The following AK5 variants were observed in gnomAD, a reference collection of about 807,000 sequenced individuals.
The protein encoded by AK5 is adenylate kinase 5, also known as adenylate kinase isoenzyme 5.
A neutral mutation model predicts 69.5 loss-of-function variants in AK5; 27 were observed. The observed-to-expected ratio is 0.39, with a 90% CI of 0.29 to 0.54. The LOEUF is 0.54. Ranked by LOEUF, AK5 falls within the 20% of genes least tolerant of loss-of-function variation. AK5 has a pLI of 0.71. For missense variants in AK5, 531 were observed against 700.4 expected, an observed-to-expected ratio of 0.76 and a Z score of 2.73; for synonymous variants, 260 against 244.4, an observed-to-expected ratio of 1.06 and a Z score of -0.60.
intron 13 of AK5, among the ~76,000 whole-genome samples, chr1:77,548,381 A>AT (rs1203737215): frequency 6.6e-6 from 1 of 152,082 alleles, no homozygotes; most frequent in Non-Finnish European, 1.5e-5. Context: ...GCATTTGATG[A>AT]TTTTCCCCAG....
chr1:77,531,988 ATCCGGCCGGCCGGCCGGCCGC>A (rs1553161447), intron 12 of AK5: 1 of 81,306 alleles, frequency 1.2e-5, no homozygotes, highest in Non-Finnish European at 3.5e-5. Flanking sequence ...GCCTGCGGCC[ATCCGGCCGGCCGGCCGGCCGC>A]TCCGAGTGCG....
chr1:77,286,209 T>C (rs909798981), intron 1 of AK5, among the ~76,000 whole-genome samples: 1 of 151,928 alleles, frequency 6.6e-6, no homozygotes, highest in African/African-American at 2.4e-5. Flanking sequence ...TAAAAAACTC[T>C]ATGAGGTATT....
chr1:77,548,392 ATCATGCCCAGGT>A (rs1266188116), intron 13 of AK5, among the ~76,000 whole-genome samples: 2 of 152,110 alleles, frequency 1.3e-5, no homozygotes, highest in Admixed American at 6.5e-5. Context: ...TTTTCCCCAG[ATCATGCCCAGGT>A]TCTGCACACT....
chr1:77,551,052 C>T (rs1157653490), intron 13 of AK5, among the ~76,000 whole-genome samples: 2 of 152,182 alleles, frequency 1.3e-5, no homozygotes, highest in African/African-American at 2.4e-5. Flanking sequence ...TGGCACATGC[C>T]TGTAATTCCA....
At chr1:77,341,569 A>G (rs1380327289) in intron 6 of AK5, among the ~76,000 whole-genome samples, 2 of 152,256 alleles carry the variant, frequency 1.3e-5, no homozygotes, top group East Asian at 3.8e-4. Flanking sequence ...AAGCCCATCC[A>G]GAGAGCTCCT....
chr1:77,536,111 G>T (rs1658952676), intron 13 of AK5, 73 bp downstream of exon 13: 2 of 1,462,768 alleles, frequency 1.4e-6, no homozygotes, highest in Non-Finnish European at 1.8e-6. Context: ...AAGAGAAAAA[G>T]CTGAGAACAT....
chr1:77,557,942 G>A (rs1660207546), intron 13 of AK5, among the ~76,000 whole-genome samples: 1 of 132,818 alleles, frequency 7.5e-6, no homozygotes, highest in African/African-American at 2.9e-5. Flanking sequence ...TTTTAAACCT[G>A]CCTCCAGTTT....
chr1:77,424,035 A>G (rs1489591783), intron 8 of AK5, among the ~76,000 whole-genome samples: 1 of 152,198 alleles, frequency 6.6e-6, no homozygotes, highest in Non-Finnish European at 1.5e-5. Flanking sequence ...CAGGCTCACC[A>G]AAAGACTGAG....
chr1:77,530,439 C>T (rs1002677049), intron 12 of AK5, among the ~76,000 whole-genome samples: 1 of 152,200 alleles, frequency 6.6e-6, no homozygotes, highest in Non-Finnish European at 1.5e-5. Flanking sequence ...TTCTTTTCAG[C>T]CAGGGCCCTT....
chr1:77,503,831 G>A (rs1656868174), intron 10 of AK5, among the ~76,000 whole-genome samples: 1 of 151,994 alleles, frequency 6.6e-6, no homozygotes, highest in African/African-American at 2.4e-5. Flanking sequence ...CTTGAACCCA[G>A]GAGGTGGAGG....
At chr1:77,525,640 C>T (rs1051822730) in intron 12 of AK5, among the ~76,000 whole-genome samples, 1 of 152,222 alleles carries the variant, frequency 6.6e-6, no homozygotes, top group Non-Finnish European at 1.5e-5. Context: ...AATCTGCCCC[C>T]ATGACCCAAA....
At chr1:77,421,207 C>T (rs964260985) in intron 8 of AK5, among the ~76,000 whole-genome samples, 1 of 152,152 alleles carries the variant, frequency 6.6e-6, no homozygotes, top group Non-Finnish European at 1.5e-5. Flanking sequence ...TAATACTTGT[C>T]GGTGTGCTTC....
Position 77,282,328 on chromosome 1 carries a change from T to C in AK5, c.15T>C (p.Asp5=). The C allele has an allele frequency of 6.4e-7, 1 of 1,562,790 alleles. No individual in the cohort carries two copies. The highest frequency in any genetic ancestry group is 1.2e-5 in the South Asian group (1 of 83,880). ...GCGGCACAGCCATGAACACCAACGA[T>C]GCCAAGGAGTATCTGGCCCGGAGGG... The part of the protein sequence containing the change: MNTN[D]AKEYLARREI... Residue 5 remains aspartate (D), a synonymous_variant, in exon 1 of 14, where the codon GAT becomes GAC. Transcript: ENST00000354567.
At chr1:77,387,009 G>T (rs527309944) in intron 6 of AK5, among the ~76,000 whole-genome samples, 2 of 152,110 alleles carry the variant, frequency 1.3e-5, no homozygotes, top group Non-Finnish European at 2.9e-5. Flanking sequence ...CCATGTTGCT[G>T]CAAATGACAG....
At chr1:77,500,690 G>T (rs1212330181) in intron 10 of AK5, among the ~76,000 whole-genome samples, 9 of 152,116 alleles carry the variant, frequency 5.9e-5, no homozygotes, top group Non-Finnish European at 1.5e-5. Context: ...GCTGAGGCAG[G>T]AGAAACTCTT....
intron 1 of AK5, among the ~76,000 whole-genome samples, chr1:77,285,112 G>A (rs1046145023): frequency 2.0e-5 from 3 of 152,196 alleles, no homozygotes; most frequent in African/African-American, 4.8e-5. Context: ...GTAAACTAGA[G>A]CCATCACTAA....
chr1:77,341,999 A>G (rs1371559896), intron 6 of AK5, among the ~76,000 whole-genome samples: 3 of 152,092 alleles, frequency 2.0e-5, no homozygotes, highest in Non-Finnish European at 4.4e-5. Context: ...CCTGGGTTCA[A>G]GCGATTCTCC....
chr1:77,362,227 T>G (rs2602936), intron 6 of AK5, among the ~76,000 whole-genome samples: 11,282 of 152,262 alleles, frequency 0.074, 522 homozygotes, highest in East Asian at 0.17. Flanking sequence ...AATATTGACA[T>G]TCTTATTTTC....
At chr1:77,386,612 A>G (rs1648047295) in intron 6 of AK5, among the ~76,000 whole-genome samples, 1 of 152,208 alleles carries the variant, frequency 6.6e-6, no homozygotes, top group African/African-American at 2.4e-5. Context: ...TTTATCTCAT[A>G]GGAAATAATA....
Sources: allele counts gnomAD v4.1 joint callset (sites outside exome capture counted in the v4.1 genomes callset), GRCh38; gene constraint gnomAD v4.1.1; transcripts MANE v1.5; gene names NCBI Gene and HGNC (gene_info 2026-07-23, HGNC 2026-07-21).